SLC9A2: variants seen among roughly 807,000 people sequenced by gnomAD.
The protein encoded by SLC9A2 is sodium/hydrogen exchanger 2.
A neutral mutation model predicts 71.7 loss-of-function variants in SLC9A2; 42 were observed. The observed-to-expected ratio is 0.59, with a 90% CI of 0.46 to 0.76. SLC9A2 has a LOEUF of 0.76. Among genes scored for constraint, SLC9A2 ranks in the 30% least tolerant of loss-of-function variants. The pLI is 0.00. For missense variants in SLC9A2, 829 were observed against 1,017.4 expected (o/e 0.81, Z 2.52); for synonymous variants, 396 against 392.5 (o/e 1.01, Z -0.10).
intron 1 of SLC9A2, among the ~76,000 whole-genome samples, chr2:102,650,816 G>A (rs974836477): frequency 1.3e-5 from 2 of 152,158 alleles, no homozygotes; most frequent in Non-Finnish European, 1.5e-5. Flanking sequence ...GGGGAGTGTG[G>A]CATCATACTC....
At chr2:102,669,495 C>A (rs568707363) in intron 3 of SLC9A2, among the ~76,000 whole-genome samples, 2 of 152,186 alleles carry the variant, frequency 1.3e-5, no homozygotes, top group African/African-American at 4.8e-5. Context: ...TTCCACAGCA[C>A]CAGAACTGTA....
At chr2:102,706,325 C>CAAAA (rs1321449192) in intron 11 of SLC9A2, among the ~76,000 whole-genome samples, 3 of 2,616 alleles carry the variant, frequency 1.1e-3, no homozygotes, top group African/African-American at 2.9e-3. Context: ...GACTCCGTCT[C>CAAAA]AAAAAAAAAA....
At chr2:102,647,094 GA>G (rs1225945615) in intron 1 of SLC9A2, among the ~76,000 whole-genome samples, 1 of 152,048 alleles carries the variant, frequency 6.6e-6, no homozygotes, top group African/African-American at 2.4e-5. Flanking sequence ...CAAAAGAATG[GA>G]AATCATAGCA....
At chr2:102,703,371 T>A (rs1389837346) in intron 9 of SLC9A2, among the ~76,000 whole-genome samples, 1 of 151,904 alleles carries the variant, frequency 6.6e-6, no homozygotes, top group Admixed American at 6.6e-5. Flanking sequence ...ACCCAGGGAG[T>A]GAGAGGTTCT....
intron 1 of SLC9A2, among the ~76,000 whole-genome samples, chr2:102,649,288 T>C (rs566316455): frequency 6.6e-6 from 1 of 152,288 alleles, no homozygotes; most frequent in African/African-American, 2.4e-5. Context: ...AAACTGAAAC[T>C]GGACCCCTTT....
intron 1 of SLC9A2, among the ~76,000 whole-genome samples, chr2:102,629,925 A>G (rs1182841905): frequency 6.6e-6 from 1 of 152,120 alleles, no homozygotes; most frequent in Non-Finnish European, 1.5e-5. Context: ...TGTGTAAAGT[A>G]AATTAGCTAA....
chr2:102,677,552 A>G (rs946259591), intron 3 of SLC9A2, among the ~76,000 whole-genome samples: 2 of 152,200 alleles, frequency 1.3e-5, no homozygotes, highest in Admixed American at 1.3e-4. Context: ...GTCCTACAGA[A>G]TGGAGCCTAA....
chr2:102,705,852 A>G lies in SLC9A2; in HGVS notation c.1984A>G (p.Thr662Ala), dbSNP rs778809449. 1 of 1,589,348 alleles carries G rather than the reference A, an allele frequency of 6.3e-7. No homozygotes were observed. The highest frequency in any genetic ancestry group is 2.3e-5 in the East Asian group (1 of 44,258). Residue 662 changes from threonine to alanine, a missense_variant, in exon 11 of 12, where the codon ACT becomes GCT. Thr to Ala is a moderately conservative substitution (Grantham distance 58). This residue lies in a region of SLC9A2 where 223 missense variants were observed against 197.5 expected (regional missense o/e 1.13). Coordinates refer to ENST00000233969, the MANE Select transcript of SLC9A2 (RefSeq NM_003048.6). ...SSLNREHRAS[T>A]STSRYLSLPK... The stretch of plus-strand genomic sequence containing the variant: ...TTTTATATTTCTTTTACAGGCTTCC[A>G]CTTCAACCTCCCGATATTTATCCTT...
intron 1 of SLC9A2, among the ~76,000 whole-genome samples, chr2:102,628,626 A>G (rs1052264629): frequency 1.3e-5 from 2 of 152,028 alleles, no homozygotes; most frequent in African/African-American, 4.8e-5. Flanking sequence ...CGGTATTTTT[A>G]AACCCCCTTG....
At chr2:102,630,170 A>G (rs909205170) in intron 1 of SLC9A2, among the ~76,000 whole-genome samples, 3 of 152,068 alleles carry the variant, frequency 2.0e-5, no homozygotes, top group African/African-American at 4.8e-5. Flanking sequence ...ATCTGTAAAC[A>G]TATTTTCCAG....
chr2:102,697,710 G>A (rs1166527133), intron 7 of SLC9A2, among the ~76,000 whole-genome samples: 3 of 147,630 alleles, frequency 2.0e-5, no homozygotes, highest in Non-Finnish European at 1.5e-5. Flanking sequence ...GCTGACACAA[G>A]ACTTCTTAAA....
intron 3 of SLC9A2, among the ~76,000 whole-genome samples, chr2:102,673,919 C>A (rs1677301605): frequency 1.3e-5 from 2 of 151,868 alleles, no homozygotes; most frequent in Admixed American, 1.3e-4. Flanking sequence ...GCCCGAGCAG[C>A]TGGGACTACA....
intron 1 of SLC9A2, among the ~76,000 whole-genome samples, chr2:102,623,298 G>T (rs1227358912): frequency 6.6e-6 from 1 of 152,150 alleles, no homozygotes; most frequent in Admixed American, 6.5e-5. Context: ...GACTGCCATG[G>T]GTAGAGTGAA....
In SLC9A2 at chr2:102,690,387, G is replaced by C. The variant is rs533639509; in HGVS notation, c.1426-4027G>C. Among the ~76,000 whole-genome samples the C allele has an allele frequency of 9.7e-4, 148 of 152,262 alleles. 1 individual carries two copies. Among genetic ancestry groups the C allele is most frequent in the African/African-American group, 3.2e-3 (132 of 41,546 alleles). ...AAACCCCAACTGGCTGGATTCGAGA[G>C]GGGAGGGGAACAGAGAAATGAGGGG... is the stretch of plus-strand genomic sequence containing the variant. On this transcript the variant is annotated intron_variant, in intron 5 of 11. Coordinates refer to ENST00000233969, the MANE Select transcript of SLC9A2 (RefSeq NM_003048.6).
intron 3 of SLC9A2, among the ~76,000 whole-genome samples, chr2:102,670,952 A>G (rs901830333): frequency 2.0e-5 from 3 of 149,992 alleles, no homozygotes; most frequent in African/African-American, 7.3e-5. Context: ...GTGTTAAACC[A>G]TAGCCCTACA....
chr2:102,682,410 G>C (rs1053498679), intron 3 of SLC9A2, among the ~76,000 whole-genome samples: 2 of 152,154 alleles, frequency 1.3e-5, no homozygotes, highest in African/African-American at 4.8e-5. Flanking sequence ...TGTGTGCCGG[G>C]GTGGAGAGAG....
intron 5 of SLC9A2, among the ~76,000 whole-genome samples, chr2:102,692,353 C>T (rs1297020753): frequency 6.6e-6 from 1 of 152,168 alleles, no homozygotes; most frequent in East Asian, 1.9e-4. Context: ...ATGTGTGTCT[C>T]AGTCAGTTTG....
At chr2:102,666,265 G>C (rs1034499795) in intron 3 of SLC9A2, among the ~76,000 whole-genome samples, 1 of 138,480 alleles carries the variant, frequency 7.2e-6, no homozygotes, top group Non-Finnish European at 1.5e-5. Flanking sequence ...GCGTGATCTC[G>C]GCTCACTGCA....
At chr2:102,649,532 G>T (rs1198119384) in intron 1 of SLC9A2, among the ~76,000 whole-genome samples, 1 of 152,066 alleles carries the variant, frequency 6.6e-6, no homozygotes, top group Non-Finnish European at 1.5e-5. Context: ...GAGTGAAGAG[G>T]CAACCTACAG....
Sources: allele counts gnomAD v4.1 joint callset (sites outside exome capture counted in the v4.1 genomes callset), GRCh38; gene constraint gnomAD v4.1.1; regional missense constraint gnomAD v4.1.1; transcripts MANE v1.5; gene names NCBI Gene and HGNC (gene_info 2026-07-23, HGNC 2026-07-21).